SLC2A13: variants seen among roughly 807,000 people sequenced by gnomAD.
SLC2A13 encodes the protein proton myo-inositol cotransporter.
A neutral mutation model predicts 64.4 loss-of-function variants in SLC2A13; 32 were observed. That is an observed-to-expected ratio of 0.50 (90% CI 0.37 to 0.67). The LOEUF (loss-of-function observed/expected upper bound fraction) is 0.67, where lower values mean the gene tolerates loss of function less well. Ranked by LOEUF, SLC2A13 falls within the 30% of genes least tolerant of loss-of-function variation. The pLI, the probability that SLC2A13 is intolerant of heterozygous loss-of-function variation, is 0.00. For missense variants in SLC2A13, 743 were observed against 829.2 expected, an observed-to-expected ratio of 0.90 and a Z score of 1.28; for synonymous variants, 338 against 327.1, an observed-to-expected ratio of 1.03 and a Z score of -0.36.
At chr12:39,980,877 T>G (rs1328754721) in intron 3 of SLC2A13, among the ~76,000 whole-genome samples, 3 of 151,846 alleles carry the variant, frequency 2.0e-5, no homozygotes, top group East Asian at 3.9e-4. Flanking sequence ...ATACATTTTT[T>G]TCAGCACCAC....
chr12:39,848,088 T>G (rs1943367480), intron 6 of SLC2A13, among the ~76,000 whole-genome samples: 1 of 152,032 alleles, frequency 6.6e-6, no homozygotes, highest in Admixed American at 6.6e-5. Context: ...GAAGACAACC[T>G]AGGCAATACC....
intron 2 of SLC2A13, among the ~76,000 whole-genome samples, chr12:40,033,123 T>C (rs1465593916): frequency 6.6e-6 from 1 of 152,182 alleles, no homozygotes; most frequent in Non-Finnish European, 1.5e-5. Flanking sequence ...ATCCCCACTT[T>C]ATAGACAAAG....
intron 3 of SLC2A13, among the ~76,000 whole-genome samples, chr12:40,027,693 C>G (rs1947838224): frequency 6.6e-6 from 1 of 152,166 alleles, no homozygotes; most frequent in African/African-American, 2.4e-5. Flanking sequence ...GAAAATAAGA[C>G]CAATTTGGGA....
At chr12:39,894,747 C>A (rs1027605628) in intron 4 of SLC2A13, among the ~76,000 whole-genome samples, 1 of 151,934 alleles carries the variant, frequency 6.6e-6, no homozygotes, top group African/African-American at 2.4e-5. Flanking sequence ...TGGTAAATAC[C>A]GGCTTTGGCT....
At chr12:40,104,474 A>G (rs1939237263) in intron 1 of SLC2A13, among the ~76,000 whole-genome samples, 1 of 152,196 alleles carries the variant, frequency 6.6e-6, no homozygotes, top group South Asian at 2.1e-4. Context: ...GCATTTATCC[A>G]CAGGGGGAGT....
At chr12:39,806,065 T>G (rs1941970644) in intron 7 of SLC2A13, among the ~76,000 whole-genome samples, 1 of 152,240 alleles carries the variant, frequency 6.6e-6, no homozygotes, top group South Asian at 2.1e-4. Context: ...CAATTGTAGC[T>G]GCAACAGAAC....
intron 1 of SLC2A13, among the ~76,000 whole-genome samples, chr12:40,103,472 T>C (rs1388557707): frequency 2.6e-5 from 4 of 152,178 alleles, no homozygotes; most frequent in Non-Finnish European, 4.4e-5. Context: ...TAAAGTATAA[T>C]ACATTCTCCT....
chr12:40,092,487 C>T (rs930034284), intron 1 of SLC2A13, among the ~76,000 whole-genome samples: 1 of 152,136 alleles, frequency 6.6e-6, no homozygotes, highest in South Asian at 2.1e-4. Context: ...TTAAATTCCA[C>T]ATATGTAATA....
intron 1 of SLC2A13, among the ~76,000 whole-genome samples, chr12:40,090,515 C>A (rs1393516784): frequency 6.6e-6 from 1 of 152,132 alleles, no homozygotes; most frequent in Non-Finnish European, 1.5e-5. Flanking sequence ...TAACTATTAA[C>A]CATAGCAGCA....
intron 4 of SLC2A13, among the ~76,000 whole-genome samples, chr12:39,882,662 T>C (rs542867929): frequency 6.6e-6 from 1 of 152,278 alleles, no homozygotes; most frequent in South Asian, 2.1e-4. Context: ...AGCAATCAGA[T>C]GGGTGCTCCC....
chr12:39,839,524 T>A (rs935910540), intron 6 of SLC2A13, among the ~76,000 whole-genome samples: 2 of 152,060 alleles, frequency 1.3e-5, no homozygotes, highest in Non-Finnish European at 2.9e-5. Flanking sequence ...CTCGGAGCAC[T>A]TTTCCAACAT....
Position 40,102,210 on chromosome 12 carries a change from C to A in SLC2A13, c.556+3043G>T, listed in dbSNP as rs538327827. 4.6e-5 allele frequency among the ~76,000 whole-genome samples: 7 copies of A among 152,300 alleles called. 1 individual carries two copies. The highest frequency in any genetic ancestry group is 3.9e-4 in the East Asian group (2 of 5,180). ...TTTCTACTCCATTATAAAATGAACA[C>A]CTCCAGGGTGGGATTTTTATCTAAT... On this transcript the variant is annotated intron_variant, in intron 1 of 9. Transcript: ENST00000280871.
chr12:39,941,365 C>T (rs1340960682), intron 4 of SLC2A13, among the ~76,000 whole-genome samples: 1 of 152,128 alleles, frequency 6.6e-6, no homozygotes, highest in African/African-American at 2.4e-5. Flanking sequence ...TCCATAGTAG[C>T]TGTACTAGTT....
chr12:39,820,432 A>G (rs1302176012), intron 7 of SLC2A13, among the ~76,000 whole-genome samples: 1 of 152,184 alleles, frequency 6.6e-6, no homozygotes, highest in African/African-American at 2.4e-5. Flanking sequence ...CAATGCTAAA[A>G]CATGGATTGC....
chr12:39,915,784 C>T (rs1033642965), intron 4 of SLC2A13, among the ~76,000 whole-genome samples: 21 of 151,782 alleles, frequency 1.4e-4, no homozygotes, highest in Non-Finnish European at 2.5e-4. Flanking sequence ...TGCCAAATTT[C>T]ACAAGTCCAA....
chr12:39,845,217 C>T lies in SLC2A13; in HGVS notation c.1320-14989G>A, dbSNP rs573497442. ...GTTAGGTTATTTTAAAGTGAGCACT[C>T]TATATTTTTTCTGCATCTGAGGAAA... On this transcript the variant is annotated intron_variant, in intron 6 of 9. Coordinates refer to ENST00000280871, the MANE Select transcript of SLC2A13 (RefSeq NM_052885.4). Among the ~76,000 whole-genome samples, 10 of 151,856 alleles carry T rather than the reference C, an allele frequency of 6.6e-5. No individual in the cohort carries two copies. The South Asian group carries it at 2.1e-3, about 32-fold the overall frequency.
chr12:40,070,554 C>T (rs1937913853), intron 1 of SLC2A13, among the ~76,000 whole-genome samples: 1 of 152,026 alleles, frequency 6.6e-6, no homozygotes, highest in Non-Finnish European at 1.5e-5. Flanking sequence ...AGCTCTATCC[C>T]CAATCAACTC....
chr12:40,056,457 G>A (rs1385018202), intron 1 of SLC2A13, among the ~76,000 whole-genome samples: 4 of 152,170 alleles, frequency 2.6e-5, no homozygotes, highest in Non-Finnish European at 4.4e-5. Context: ...TGCTACATAA[G>A]CAGAAGCAGT....
At position 39,758,029 on chromosome 12, in the gene SLC2A13, GA is replaced by G. The variant is rs1472113563; in HGVS notation, c.*1996del. 6.6e-6 allele frequency: 1 copy of G among 151,520 alleles called. No individual in the cohort carries two copies. Among genetic ancestry groups the G allele is most frequent in the African/African-American group, 2.4e-5 (1 of 41,344 alleles). 9.4% of individuals were successfully genotyped at this position (151,520 alleles called of 1,614,324 possible). A position where few individuals can be genotyped will look rare whatever the true frequency, so the allele number is the denominator to read the frequency against. Reference sequence around the variant, plus strand: ...TTTACCTGTGTAAAATATTAGATAAGAAATTTCTTATGAGATAAGAAATATC... The same window carrying G: ...TTTACCTGTGTAAAATATTAGATAAGAATTTCTTATGAGATAAGAAATATC... On this transcript the variant is annotated 3_prime_UTR_variant, in exon 10 of 10. Transcript: ENST00000280871.
Sources: allele counts gnomAD v4.1 joint callset (sites outside exome capture counted in the v4.1 genomes callset), GRCh38; gene constraint gnomAD v4.1.1; transcripts MANE v1.5; gene names NCBI Gene and HGNC (gene_info 2026-07-23, HGNC 2026-07-21).